Variants in WASF2 observed in about 807,000 individuals in gnomAD.
WASF2 encodes the protein actin-binding protein WASF2.
Under a neutral mutation model 45.0 loss-of-function variants are expected in WASF2, and 14 were observed. That is an observed-to-expected ratio of 0.31 (90% CI 0.21 to 0.49). WASF2 has a LOEUF of 0.49. Among genes scored for constraint, WASF2 ranks in the 20% least tolerant of loss-of-function variants. The pLI, the probability that WASF2 is intolerant of heterozygous loss-of-function variation, is 0.99. For synonymous variants in WASF2, 200 were observed against 236.3 expected, an observed-to-expected ratio of 0.85 and a Z score of 1.41; for missense variants, 439 against 636.1, an observed-to-expected ratio of 0.69 and a Z score of 3.33.
chr1:27,482,077 C>T (rs183125282), intron 1 of WASF2, among the ~76,000 whole-genome samples: 307 of 152,308 alleles, frequency 2.0e-3, no homozygotes, highest in Admixed American at 4.5e-3. Flanking sequence ...TTCTGAGATA[C>T]TATTCATAAC....
chr1:27,405,248 C>T lies in WASF2; in HGVS notation c.*2941G>A, dbSNP rs1229561936. ...CGAGCTGGAGCCTGGGCCAGCTGCT[C>T]TGAGCCTCCAAGGGCTGGCTGAGCC... On this transcript the variant is annotated 3_prime_UTR_variant, in exon 9 of 9. Coordinates refer to ENST00000618852, the MANE Select transcript of WASF2 (RefSeq NM_006990.5). 6.6e-6 allele frequency: 1 copy of T among 152,346 alleles called. No individual in the cohort carries two copies. 9.4% of individuals were successfully genotyped at this position (152,346 alleles called of 1,614,324 possible).
intron 2 of WASF2, among the ~76,000 whole-genome samples, chr1:27,426,511 T>TA (rs1368229971): frequency 6.8e-5 from 6 of 88,710 alleles, no homozygotes; most frequent in African/African-American, 2.2e-4. Flanking sequence ...CAAGTTAACT[T>TA]AATTTTTTTT....
chr1:27,430,774 C>T lies in WASF2; in HGVS notation c.-43-1841G>A, dbSNP rs149157886. ...TACCTTAGCTTTCCGAATAGCTGGGCCAAGTCCCCAATATTATAAACTCCT... is the reference window on the plus strand; with the variant it reads ...TACCTTAGCTTTCCGAATAGCTGGGTCAAGTCCCCAATATTATAAACTCCT... On this transcript the variant is annotated intron_variant, in intron 1 of 8. Coordinates refer to ENST00000618852, the MANE Select transcript of WASF2 (RefSeq NM_006990.5). Among the ~76,000 whole-genome samples, 586 of 151,274 alleles carry T rather than the reference C, an allele frequency of 3.9e-3. 6 individuals carry two copies. The highest frequency in any genetic ancestry group is 0.013 in the South Asian group (62 of 4,784).
At chr1:27,429,075 T>A (rs1047797130) in intron 1 of WASF2, 142 bp from the exon 2 acceptor site, 6 of 762,136 alleles carry the variant, frequency 7.9e-6, no homozygotes, top group African/African-American at 7.1e-5. Flanking sequence ...CCCTATCTTT[T>A]TTTTTCTTTC....
chr1:27,412,490 C>A (rs540439162), intron 7 of WASF2, 82 bp downstream of exon 7: 4 of 1,570,558 alleles, frequency 2.5e-6, no homozygotes, highest in Middle Eastern at 1.7e-4. Flanking sequence ...GGATTACAGG[C>A]GTGAGCCACT....
At position 27,406,125 on chromosome 1, in the gene WASF2, T is replaced by C. The variant is rs1037829629; in HGVS notation, c.*2064A>G. 2 of 152,768 alleles carry C rather than the reference T, an allele frequency of 1.3e-5. No individual in the cohort carries two copies. Among genetic ancestry groups the C allele is most frequent in the Non-Finnish European group, 2.9e-5 (2 of 68,150 alleles). The allele number at this position is 152,768 out of a possible 1,614,324, so 9.5% of individuals were successfully genotyped here. On this transcript the variant is annotated 3_prime_UTR_variant, in exon 9 of 9. Coordinates refer to ENST00000618852, the MANE Select transcript of WASF2 (RefSeq NM_006990.5). ...CCTATTTGGGAGAACCACTGCCCTC[T>C]GCCTGCCTCTCCAACTACTGCTGGG...
chr1:27,472,433 G>A (rs965135166), intron 1 of WASF2, among the ~76,000 whole-genome samples: 2 of 149,618 alleles, frequency 1.3e-5, no homozygotes, highest in African/African-American at 4.9e-5. Context: ...CAGGAGTTCA[G>A]GACCAGCCTG....
chr1:27,477,321 C>T (rs951695917), intron 1 of WASF2, among the ~76,000 whole-genome samples: 3 of 151,964 alleles, frequency 2.0e-5, no homozygotes, highest in African/African-American at 7.3e-5. Context: ...TGGCAGATCA[C>T]GTGAGGCCAG....
intron 1 of WASF2, among the ~76,000 whole-genome samples, chr1:27,449,912 G>A (rs539352763): frequency 6.6e-6 from 1 of 152,278 alleles, no homozygotes; most frequent in South Asian, 2.1e-4. Flanking sequence ...GGGAGGCTGA[G>A]GTGGGCGGAT....
chr1:27,447,079 C>T (rs2017321216), intron 1 of WASF2, among the ~76,000 whole-genome samples: 1 of 152,016 alleles, frequency 6.6e-6, no homozygotes, highest in African/African-American at 2.4e-5. Flanking sequence ...AGAATGTCTT[C>T]CAGAATGCAG....
intron 1 of WASF2, among the ~76,000 whole-genome samples, chr1:27,477,913 AAT>A (rs1319642441): frequency 0.016 from 1,588 of 100,584 alleles, 279 homozygotes; most frequent in African/African-American, 0.092. Context: ...AAAAAAAATA[AAT>A]AAATAAAAAA....
chr1:27,409,133 C>A (rs1292396534), intron 8 of WASF2, among the ~76,000 whole-genome samples: 1 of 152,078 alleles, frequency 6.6e-6, no homozygotes, highest in African/African-American at 2.4e-5. Context: ...GCTTAAGAAT[C>A]CTTTACTTTG....
At chr1:27,456,316 T>TAAAAAAAA (rs61319408) in intron 1 of WASF2, among the ~76,000 whole-genome samples, 1 of 95,344 alleles carries the variant, frequency 1.0e-5, no homozygotes, top group African/African-American at 4.1e-5. Context: ...AGCGAGACTC[T>TAAAAAAAA]AAAAAAAAAA....
At chr1:27,489,348 TACACACACACACACACACACAC>T (rs10636716) in intron 1 of WASF2, among the ~76,000 whole-genome samples, 17 of 10,100 alleles carry the variant, frequency 1.7e-3, no homozygotes, top group Admixed American at 4.9e-3. Context: ...TACTTCATGG[TACACACACACACACACACACAC>T]ACACACACAC....
chr1:27,428,994 T>G, intron 1 of WASF2, 61 bp from the exon 2 acceptor site: 2 of 1,318,592 alleles, frequency 1.5e-6, no homozygotes, highest in Non-Finnish European at 2.0e-6. Context: ...ACTAGGGCTG[T>G]GTGAATCTTT....
chr1:27,429,506 T>A (rs2017032308), intron 1 of WASF2, among the ~76,000 whole-genome samples: 1 of 152,214 alleles, frequency 6.6e-6, no homozygotes, highest in African/African-American at 2.4e-5. Context: ...CCGGGCATGG[T>A]GGCTCACGCC....
chr1:27,442,500 G>A (rs1371099354), intron 1 of WASF2, among the ~76,000 whole-genome samples: 1 of 151,176 alleles, frequency 6.6e-6, no homozygotes, highest in Non-Finnish European at 1.5e-5. Context: ...ACCAGACTGT[G>A]CCACTGCACT....
intron 1 of WASF2, among the ~76,000 whole-genome samples, chr1:27,476,423 A>G (rs1181814053): frequency 6.6e-6 from 1 of 152,200 alleles, no homozygotes; most frequent in Non-Finnish European, 1.5e-5. Flanking sequence ...CTTATCACCA[A>G]GGGGATGGCC....
intron 3 of WASF2, 111 bp downstream of exon 3, chr1:27,418,843 G>A (rs2016861856): frequency 2.2e-6 from 3 of 1,336,164 alleles, no homozygotes; most frequent in Non-Finnish European, 3.0e-6. Context: ...GAACTCTATA[G>A]GTCTCTGTGA....
Sources: allele counts gnomAD v4.1 joint callset (sites outside exome capture counted in the v4.1 genomes callset), GRCh38; gene constraint gnomAD v4.1.1; transcripts MANE v1.5; gene names NCBI Gene and HGNC (gene_info 2026-07-23, HGNC 2026-07-21).